Variants in ZNF385D observed in about 807,000 individuals in gnomAD.
ZNF385D encodes zinc finger protein 659.
ZNF385D carries 15 observed loss-of-function variants against 35.8 expected under a neutral mutation model. The observed-to-expected ratio is 0.42, with a 90% CI of 0.28 to 0.64. The LOEUF (loss-of-function observed/expected upper bound fraction) is 0.64. Among genes scored for constraint, ZNF385D ranks in the 30% least tolerant of loss-of-function variants. ZNF385D has a pLI of 0.23. For synonymous variants in ZNF385D, 212 were observed against 186.8 expected, an observed-to-expected ratio of 1.13 and a Z score of -1.10; for missense variants, 474 against 494.6, an observed-to-expected ratio of 0.96 and a Z score of 0.39.
chr3:22,139,986 C>T (rs1204036001), intron 3 of ZNF385D, among the ~76,000 whole-genome samples: 2 of 152,190 alleles, frequency 1.3e-5, no homozygotes, highest in Non-Finnish European at 2.9e-5. Context: ...TAGAGAATCT[C>T]TCACATATTG....
intron 3 of ZNF385D, among the ~76,000 whole-genome samples, chr3:22,121,551 C>G (rs2125666095): frequency 6.6e-6 from 1 of 152,288 alleles, no homozygotes; most frequent in South Asian, 2.1e-4. Flanking sequence ...AGAAGGATGA[C>G]TAGCGTGCAC....
chr3:21,812,703 C>T (rs975115327), intron 3 of ZNF385D, among the ~76,000 whole-genome samples: 1 of 152,196 alleles, frequency 6.6e-6, no homozygotes, highest in Non-Finnish European at 1.5e-5. Context: ...CTGGGAAGCT[C>T]GAACTGCGTG....
At chr3:22,059,528 G>C (rs1300727741) in intron 3 of ZNF385D, among the ~76,000 whole-genome samples, 1 of 152,196 alleles carries the variant, frequency 6.6e-6, no homozygotes, top group African/African-American at 2.4e-5. Context: ...CAAAGCCAGA[G>C]AATGTCCTTT....
intron 6 of ZNF385D, among the ~76,000 whole-genome samples, chr3:21,425,112 C>A (rs967015182): frequency 6.6e-6 from 1 of 152,080 alleles, no homozygotes; most frequent in Admixed American, 6.6e-5. Flanking sequence ...AATATCTAAA[C>A]AAATTAAAAC....
chr3:22,262,710 A>C (rs1700697738), intron 2 of ZNF385D, among the ~76,000 whole-genome samples: 1 of 151,908 alleles, frequency 6.6e-6, no homozygotes, highest in African/African-American at 2.4e-5. Context: ...TTTCAAAATA[A>C]AAGTTGGTTG....
At chr3:22,082,884 T>A (rs1296340677) in intron 3 of ZNF385D, among the ~76,000 whole-genome samples, 1 of 152,188 alleles carries the variant, frequency 6.6e-6, no homozygotes, top group East Asian at 1.9e-4. Flanking sequence ...TATTTGCTGT[T>A]CTACAATATT....
intron 3 of ZNF385D, among the ~76,000 whole-genome samples, chr3:21,765,350 G>A (rs921240554): frequency 1.3e-5 from 2 of 152,026 alleles, no homozygotes; most frequent in Non-Finnish European, 1.5e-5. Context: ...CAGAGCAGCT[G>A]CCAAGCCATT....
intron 2 of ZNF385D, among the ~76,000 whole-genome samples, chr3:22,188,196 C>A (rs1171545628): frequency 6.6e-6 from 1 of 152,076 alleles, no homozygotes; most frequent in East Asian, 1.9e-4. Context: ...TGGACAAAGA[C>A]AAAGCATTAG....
At chr3:21,438,273 C>T (rs1309769266) in intron 4 of ZNF385D, among the ~76,000 whole-genome samples, 3 of 152,138 alleles carry the variant, frequency 2.0e-5, no homozygotes, top group Admixed American at 1.3e-4. Context: ...CCAAAATATT[C>T]CTAGGCTGCC....
intron 3 of ZNF385D, among the ~76,000 whole-genome samples, chr3:22,073,192 G>A (rs907089067): frequency 3.9e-5 from 6 of 151,966 alleles, no homozygotes; most frequent in Non-Finnish European, 5.9e-5. Context: ...GACCTTTGCT[G>A]TGTTTAAGTC....
chr3:21,444,761 G>C (rs1005630842), intron 4 of ZNF385D, among the ~76,000 whole-genome samples: 1 of 152,080 alleles, frequency 6.6e-6, no homozygotes, highest in African/African-American at 2.4e-5. Context: ...CATGTGATTT[G>C]AGAGGGCAAT....
intron 2 of ZNF385D, among the ~76,000 whole-genome samples, chr3:21,629,183 T>C (rs1215600236): frequency 6.6e-6 from 1 of 152,070 alleles, no homozygotes; most frequent in African/African-American, 2.4e-5. Context: ...CCCTTCTCTT[T>C]TCTTGAAGAC....
At chr3:21,963,048 T>G (rs1702685874) in intron 3 of ZNF385D, among the ~76,000 whole-genome samples, 1 of 152,204 alleles carries the variant, frequency 6.6e-6, no homozygotes, top group African/African-American at 2.4e-5. Context: ...GAGCAGTATC[T>G]TTTATTCAAT....
At chr3:21,903,361 G>A (rs1699509068) in intron 3 of ZNF385D, among the ~76,000 whole-genome samples, 1 of 152,108 alleles carries the variant, frequency 6.6e-6, no homozygotes, top group South Asian at 2.1e-4. Context: ...TTGGTGCAAT[G>A]ATTCAGTCAT....
At chr3:22,170,730 A>C (rs2125760800) in intron 2 of ZNF385D, among the ~76,000 whole-genome samples, 1 of 152,312 alleles carries the variant, frequency 6.6e-6, no homozygotes, top group East Asian at 1.9e-4. Flanking sequence ...TAAATAAAAA[A>C]ATGTAAGTAT....
At chr3:21,566,364 C>T (rs961726284) in intron 2 of ZNF385D, among the ~76,000 whole-genome samples, 1 of 152,126 alleles carries the variant, frequency 6.6e-6, no homozygotes, top group African/African-American at 2.4e-5. Context: ...ATAGCTCATG[C>T]CTATAATCCC....
intron 2 of ZNF385D, among the ~76,000 whole-genome samples, chr3:22,267,349 T>C (rs1700949037): frequency 6.6e-6 from 1 of 151,870 alleles, no homozygotes; most frequent in Admixed American, 6.6e-5. Flanking sequence ...TTCTACTTTC[T>C]AACCAAATGT....
chr3:22,363,045 G>A (rs935198867), intron 2 of ZNF385D, among the ~76,000 whole-genome samples: 6 of 151,978 alleles, frequency 3.9e-5, no homozygotes, highest in South Asian at 4.1e-4. Flanking sequence ...AACTTAGTTC[G>A]CTGTGCCCTA....
chr3:22,320,542 A>G (rs2125444020), intron 2 of ZNF385D, among the ~76,000 whole-genome samples: 1 of 151,462 alleles, frequency 6.6e-6, no homozygotes, highest in East Asian at 1.9e-4. Context: ...TTAAAAATTC[A>G]TACTATTTTT....
Sources: gnomAD v4.1 joint callset for allele counts (sites outside exome capture counted in the v4.1 genomes callset) on GRCh38, gnomAD v4.1.1 for gene constraint, MANE v1.5 for transcripts, NCBI Gene and HGNC (gene_info 2026-07-23, HGNC 2026-07-21) for gene names.